The following DECR1 variants were observed in gnomAD, a reference collection of about 807,000 sequenced individuals.
DECR1 encodes the protein 2,4-dienoyl-CoA reductase [(3E)-enoyl-CoA-producing], mitochondrial.
In DECR1, 44 loss-of-function variants were observed where a neutral mutation model predicts 38.8. That is an observed-to-expected ratio of 1.13 (90% CI 0.89 to 1.46). DECR1 has a LOEUF of 1.46. Among genes scored for constraint, DECR1 ranks in the 40% most tolerant of loss-of-function variants. The pLI is 0.00. For synonymous variants in DECR1, 148 were observed against 135.2 expected (o/e 1.09, Z -0.66); for missense variants, 428 against 405.5 (o/e 1.06, Z -0.48).
At chr8:90,034,059 C>T (rs950679638) in intron 5 of DECR1, among the ~76,000 whole-genome samples, 1 of 152,122 alleles carries the variant, frequency 6.6e-6, no homozygotes, top group African/African-American at 2.4e-5. Context: ...GAAGGAGTTA[C>T]CAGAATGATT....
chr8:90,025,547 G>T (rs1563635313), intron 5 of DECR1, among the ~76,000 whole-genome samples: 1 of 152,036 alleles, frequency 6.6e-6, no homozygotes, highest in Non-Finnish European at 1.5e-5. Flanking sequence ...GTATAGGAAT[G>T]ATGTGATTTT....
intron 6 of DECR1, among the ~76,000 whole-genome samples, chr8:90,038,260 A>G (rs1473385799): frequency 6.6e-6 from 1 of 151,954 alleles, no homozygotes; most frequent in Non-Finnish European, 1.5e-5. Flanking sequence ...TGGCTGAGTT[A>G]TATTGTTGTT....
intron 8 of DECR1, among the ~76,000 whole-genome samples, chr8:90,050,092 A>G (rs1417171583): frequency 6.6e-6 from 1 of 152,256 alleles, no homozygotes; most frequent in African/African-American, 2.4e-5. Flanking sequence ...AAACCTAGGC[A>G]ATGCCATTCA....
chr8:90,049,030 G>A (rs1813991779), intron 8 of DECR1, among the ~76,000 whole-genome samples: 1 of 152,094 alleles, frequency 6.6e-6, no homozygotes, highest in African/African-American at 2.4e-5. Flanking sequence ...GGTATTGATG[G>A]GACATGCCTC....
In DECR1 at chr8:90,032,038, TTC is replaced by T. The variant is rs1813508849; in HGVS notation, c.566-4801_566-4800del. ...ATATCATATGCTTATAATTTTATAA[TTC>T]TGTTTTTTTCAAGTAAATGCACAGA... is the stretch of plus-strand genomic sequence containing the variant. On this transcript the variant is annotated intron_variant, in intron 5 of 9. Transcript: ENST00000220764. Among the ~76,000 whole-genome samples, 5 of 152,310 alleles carry T rather than the reference TTC, an allele frequency of 3.3e-5. No individual in the cohort carries two copies. The South Asian group carries it at 1.0e-3, about 32-fold the overall frequency.
chr8:90,020,674 T>C (rs1259891280), intron 4 of DECR1, among the ~76,000 whole-genome samples: 2 of 152,216 alleles, frequency 1.3e-5, no homozygotes, highest in Non-Finnish European at 2.9e-5. Flanking sequence ...CTTAGTTTTC[T>C]TAATAAGAGA....
intron 8 of DECR1, among the ~76,000 whole-genome samples, chr8:90,047,859 G>A (rs1292342589): frequency 6.6e-6 from 1 of 152,064 alleles, no homozygotes; most frequent in Admixed American, 6.6e-5. Context: ...GCAATCAAAC[G>A]ACAACTCAGG....
intron 1 of DECR1, among the ~76,000 whole-genome samples, chr8:90,002,865 A>G (rs909894140): frequency 6.6e-6 from 1 of 152,178 alleles, no homozygotes; most frequent in Admixed American, 6.5e-5. Flanking sequence ...GACATTTCTC[A>G]TTTGAAATCT....
At chr8:90,005,199 C>G in intron 1 of DECR1, 3 of 386,138 alleles carry the variant, frequency 7.8e-6, no homozygotes, top group South Asian at 3.8e-5. Context: ...CAGAGAGAAG[C>G]GTGTGGAGAC....
At chr8:90,016,424 C>G (rs535337309) in intron 1 of DECR1, among the ~76,000 whole-genome samples, 1 of 152,172 alleles carries the variant, frequency 6.6e-6, no homozygotes, top group South Asian at 2.1e-4. Context: ...ATCATGAGGT[C>G]AGGAGATCGA....
In DECR1 at chr8:90,017,228, A is replaced by G. The variant is rs145066522; in HGVS notation, c.174A>G (p.Gln58=). The G allele has an allele frequency of 1.5e-3, 2,467 of 1,614,204 alleles. 8 individuals are homozygous for G. Among genetic ancestry groups the G allele is most frequent in the Non-Finnish European group, 2.0e-3 (2,316 of 1,180,028 alleles). Residue 58 remains glutamine, a synonymous_variant, in exon 2 of 10, where the codon CAA becomes CAG. Transcript: ENST00000220764. ...QKAMLPPNSF[Q]GKVAFITGGG... The stretch of plus-strand genomic sequence containing the variant: ...CGATGCTACCACCTAATAGTTTTCA[A>G]GGAAAAGTGGCATTCATTACTGGGG...
At chr8:90,037,673 TCCTGA>T (rs1813647826) in intron 6 of DECR1, among the ~76,000 whole-genome samples, 1 of 152,090 alleles carries the variant, frequency 6.6e-6, no homozygotes, top group Non-Finnish European at 1.5e-5. Context: ...GGTCTGGAAC[TCCTGA>T]CCTCAAGAAA....
chr8:90,027,945 A>T (rs539188040), intron 5 of DECR1, among the ~76,000 whole-genome samples: 35 of 152,258 alleles, frequency 2.3e-4, no homozygotes, highest in African/African-American at 8.4e-4. Context: ...TTGGTAAATT[A>T]TCCTAGTTAT....
intron 8 of DECR1, 84 bp from the exon 9 acceptor site, chr8:90,051,593 C>A: frequency 9.7e-7 from 1 of 1,031,928 alleles, no homozygotes; most frequent in South Asian, 1.4e-5. Context: ...GATATTCCAT[C>A]CAATTAGTAT....
chr8:90,040,708 G>A (rs1813738462), intron 6 of DECR1, among the ~76,000 whole-genome samples: 1 of 152,116 alleles, frequency 6.6e-6, no homozygotes, highest in African/African-American at 2.4e-5. Flanking sequence ...CCACTTATGA[G>A]TAAGAACATG....
intron 8 of DECR1, among the ~76,000 whole-genome samples, chr8:90,045,624 A>G (rs1238496735): frequency 6.6e-6 from 1 of 152,202 alleles, no homozygotes; most frequent in East Asian, 1.9e-4. Context: ...TAGCTGAACA[A>G]AAGGCAGCAG....
At chr8:90,010,803 A>G (rs763327127) in intron 1 of DECR1, among the ~76,000 whole-genome samples, 9 of 152,172 alleles carry the variant, frequency 5.9e-5, no homozygotes, top group South Asian at 2.1e-4. Context: ...TGTTTAATAT[A>G]GAGTAGTTAT....
At chr8:90,035,393 C>A (rs1363950599) in intron 5 of DECR1, among the ~76,000 whole-genome samples, 1 of 150,688 alleles carries the variant, frequency 6.6e-6, no homozygotes, top group Non-Finnish European at 1.5e-5. Context: ...TTTTTTTTTC[C>A]CATTTGTCTT....
chr8:90,023,701 T>C (rs1335876436), intron 5 of DECR1, among the ~76,000 whole-genome samples: 2 of 152,030 alleles, frequency 1.3e-5, no homozygotes, highest in East Asian at 3.9e-4. Flanking sequence ...TTATCTTCTA[T>C]ATCTAGTTTG....
Sources: gnomAD v4.1 joint callset for allele counts (sites outside exome capture counted in the v4.1 genomes callset) on GRCh38, gnomAD v4.1.1 for gene constraint, MANE v1.5 for transcripts, NCBI Gene and HGNC (gene_info 2026-07-23, HGNC 2026-07-21) for gene names.